SMIM35: variants seen among roughly 807,000 people sequenced by gnomAD.
SMIM35 encodes TMPRSS4 antisense RNA 1 (non-protein coding).
intron 1 of SMIM35, among the ~76,000 whole-genome samples, chr11:118,027,861 G>A (rs1364942331): frequency 2.6e-5 from 4 of 152,160 alleles, no homozygotes; most frequent in African/African-American, 7.2e-5. Flanking sequence ...ATTTGGCCTA[G>A]GGGGAGCCAT....
chr11:118,058,286 G>C (rs675539), intron 1 of SMIM35, among the ~76,000 whole-genome samples: 24,223 of 152,126 alleles, frequency 0.16, 2,145 homozygotes, highest in East Asian at 0.3. Context: ...GTAATTGGCT[G>C]TCTCCTCTTC....
At chr11:118,016,467 G>A (rs906933284) in intron 1 of SMIM35, among the ~76,000 whole-genome samples, 1 of 152,180 alleles carries the variant, frequency 6.6e-6, no homozygotes, top group African/African-American at 2.4e-5. Context: ...GCACCCTACG[G>A]ACAACCCACC....
chr11:118,057,285 T>C (rs1054254814), intron 1 of SMIM35, among the ~76,000 whole-genome samples: 2 of 152,058 alleles, frequency 1.3e-5, no homozygotes, highest in Non-Finnish European at 2.9e-5. Context: ...GTTATGTGTA[T>C]GGGAGTGGGA....
intron 1 of SMIM35, among the ~76,000 whole-genome samples, chr11:118,053,378 AG>A (rs1294352077): frequency 1.3e-4 from 19 of 151,856 alleles, no homozygotes; most frequent in Non-Finnish European, 5.9e-5. Flanking sequence ...CAGGGCTCCC[AG>A]GTACAGGGCA....
In SMIM35 at chr11:118,060,864, G is replaced by A. The variant is rs570648583; in HGVS notation, c.7+25887C>T. 1.5e-3 allele frequency among the ~76,000 whole-genome samples: 225 copies of A among 151,948 alleles called. 1 individual carries two copies. The highest frequency in any genetic ancestry group is 5.8e-3 in the South Asian group (28 of 4,820). The stretch of plus-strand genomic sequence containing the variant: ...CTGCCCTCATCCTTTGGATCCCCAG[G>A]CAGACACCCACCCTGGCCCCCTTTT... On this transcript the variant is annotated intron_variant, in intron 1 of 4. Coordinates refer to ENST00000689828, the MANE Select transcript of SMIM35 (RefSeq NM_001394165.1).
At chr11:118,014,813 C>T (rs2058170581) in intron 2 of SMIM35, 72 bp from the exon 3 acceptor site, 1 of 398,414 alleles carries the variant, frequency 2.5e-6, no homozygotes, top group South Asian at 1.3e-4. Flanking sequence ...CTAAGAACGT[C>T]TGGTGCTCCC....
At chr11:118,051,566 G>A (rs1028231339) in intron 1 of SMIM35, among the ~76,000 whole-genome samples, 4 of 152,214 alleles carry the variant, frequency 2.6e-5, no homozygotes, top group African/African-American at 7.2e-5. Flanking sequence ...TTGCACTGGT[G>A]ATAGCCTGAA....
chr11:118,021,666 G>A (rs532037578), intron 1 of SMIM35, among the ~76,000 whole-genome samples: 1 of 152,004 alleles, frequency 6.6e-6, no homozygotes, highest in African/African-American at 2.4e-5. Context: ...AGACAAAAAC[G>A]ATTTTAAAAC....
chr11:118,035,700 C>A (rs1006562747), intron 1 of SMIM35, among the ~76,000 whole-genome samples: 4 of 152,092 alleles, frequency 2.6e-5, no homozygotes, highest in Non-Finnish European at 5.9e-5. Context: ...ACACAGTGCT[C>A]CCTGCTCACG....
At chr11:118,007,053 A>ACACACG (rs1265264634) in intron 4 of SMIM35, among the ~76,000 whole-genome samples, 148 of 152,312 alleles carry the variant, frequency 9.7e-4, no homozygotes, top group African/African-American at 3.4e-3. Context: ...ACATACACAC[A>ACACACG]CACACGCACA....
intron 3 of SMIM35, among the ~76,000 whole-genome samples, 173 bp from the exon 4 acceptor site, chr11:118,014,053 C>G (rs1038588140): frequency 6.6e-6 from 1 of 152,170 alleles, no homozygotes; most frequent in Admixed American, 6.5e-5. Flanking sequence ...CTGCCTGTGG[C>G]AAGTAGATGA....
chr11:118,025,563 C>A, intron 1 of SMIM35: 1 of 454,506 alleles, frequency 2.2e-6, no homozygotes, highest in South Asian at 1.6e-5. Flanking sequence ...AGCATTTTTT[C>A]GTGTTTGTTG....
intron 1 of SMIM35, among the ~76,000 whole-genome samples, chr11:118,079,094 G>T (rs1244348550): frequency 6.6e-6 from 1 of 152,054 alleles, no homozygotes; most frequent in East Asian, 1.9e-4. Flanking sequence ...GAGGGGTCAG[G>T]TCAGGCCTGG....
At chr11:118,011,334 T>G (rs962447281) in intron 4 of SMIM35, among the ~76,000 whole-genome samples, 7 of 152,258 alleles carry the variant, frequency 4.6e-5, no homozygotes, top group African/African-American at 1.7e-4. Context: ...TCCGGGGGCC[T>G]AGGGTGGCCG....
Position 118,004,253 on chromosome 11 carries a change from G to A in SMIM35, c.*2157C>T, listed in dbSNP as rs2058111443. On this transcript the variant is annotated 3_prime_UTR_variant, in exon 5 of 5. Transcript: ENST00000689828. ...ACAGCTTCAACATGAATTTGGGGAAGACAAAAATATTCAGTTCATAAGAGA... is the reference window on the plus strand; with the variant it reads ...ACAGCTTCAACATGAATTTGGGGAAAACAAAAATATTCAGTTCATAAGAGA... 1 of 152,190 alleles carries A rather than the reference G, an allele frequency of 6.6e-6. No individual in the cohort carries two copies. The highest frequency in any genetic ancestry group is 6.5e-5 in the Admixed American group (1 of 15,280). The allele number at this position is 152,190 out of a possible 1,614,324, so 9.4% of individuals were successfully genotyped here.
chr11:118,076,134 C>T (rs117440454), intron 1 of SMIM35, among the ~76,000 whole-genome samples: 11,378 of 152,188 alleles, frequency 0.075, 583 homozygotes, highest in Non-Finnish European at 0.11. Flanking sequence ...GGCATGGTGG[C>T]GCACAACACC....
intron 1 of SMIM35, among the ~76,000 whole-genome samples, chr11:118,086,476 G>A (rs1411123566): frequency 5.9e-5 from 9 of 152,274 alleles, no homozygotes; most frequent in Non-Finnish European, 1.0e-4. Flanking sequence ...CTCTAATAAT[G>A]ACTCAACGCA....
At chr11:118,027,495 CAA>C (rs10607276) in intron 1 of SMIM35, among the ~76,000 whole-genome samples, 3,960 of 152,232 alleles carry the variant, frequency 0.026, 157 homozygotes, top group African/African-American at 0.09. Context: ...TTTCTGGCAC[CAA>C]AACCCATGTC....
At chr11:118,076,760 C>T (rs748311520) in intron 1 of SMIM35, among the ~76,000 whole-genome samples, 4 of 152,152 alleles carry the variant, frequency 2.6e-5, no homozygotes, top group Non-Finnish European at 4.4e-5. Flanking sequence ...ACCCCCAGAC[C>T]ACTCCAACTT....
Sources: allele counts gnomAD v4.1 joint callset (sites outside exome capture counted in the v4.1 genomes callset), GRCh38; gene constraint gnomAD v4.1.1; transcripts MANE v1.5; gene names NCBI Gene and HGNC (gene_info 2026-07-23, HGNC 2026-07-21).